The following IL15 variants were observed in gnomAD, a reference collection of about 807,000 sequenced individuals.
The protein encoded by IL15 is interleukin-15.
Under a neutral mutation model 19.6 loss-of-function variants are expected in IL15, and 11 were observed. The ratio of observed to expected loss-of-function variants is 0.56; its 90% CI spans 0.35 to 0.93. The LOEUF is 0.93. Among genes scored for constraint, IL15 ranks in the 40% least tolerant of loss-of-function variants. The pLI is 0.01. For synonymous variants in IL15, 58 were observed against 59.6 expected (o/e 0.97, Z 0.12); for missense variants, 197 against 186.5 (o/e 1.06, Z -0.33).
At chr4:141,667,077 G>C (rs1425406510) in intron 2 of IL15, among the ~76,000 whole-genome samples, 2 of 152,144 alleles carry the variant, frequency 1.3e-5, no homozygotes, top group Non-Finnish European at 2.9e-5. Flanking sequence ...CGTGCGGGTG[G>C]GTGGCACATC....
chr4:141,662,691 G>C (rs916950888), intron 2 of IL15, among the ~76,000 whole-genome samples: 1 of 151,872 alleles, frequency 6.6e-6, no homozygotes, highest in African/African-American at 2.4e-5. Flanking sequence ...CGATGTATTT[G>C]TGTTTGTATT....
chr4:141,730,885 G>A (rs920666137), intron 7 of IL15, among the ~76,000 whole-genome samples: 1 of 152,110 alleles, frequency 6.6e-6, no homozygotes, highest in Non-Finnish European at 1.5e-5. Flanking sequence ...CATAATCCCT[G>A]CTGTTAAAGA....
intron 2 of IL15, chr4:141,715,384 C>T (rs1214167320): frequency 6.6e-6 from 1 of 152,194 alleles, no homozygotes; most frequent in Admixed American, 6.5e-5. Flanking sequence ...ATAGTCTTCA[C>T]TGAGATACCA....
chr4:141,732,586 C>T (rs759792205), intron 7 of IL15, 152 bp from the exon 8 acceptor site: 31 of 991,624 alleles, frequency 3.1e-5, no homozygotes, highest in East Asian at 5.8e-5. Flanking sequence ...TCTCTTTCCT[C>T]GTAGTTCTTC....
At chr4:141,705,022 A>G (rs1345308397) in intron 2 of IL15, among the ~76,000 whole-genome samples, 1 of 151,758 alleles carries the variant, frequency 6.6e-6, no homozygotes, top group Non-Finnish European at 1.5e-5. Context: ...TTAAAAAGCC[A>G]AATCTTTGTT....
chr4:141,698,925 G>A (rs1047619288), intron 2 of IL15, among the ~76,000 whole-genome samples: 1 of 151,814 alleles, frequency 6.6e-6, no homozygotes, highest in Non-Finnish European at 1.5e-5. Context: ...ATATTAGGTT[G>A]TTTATTTGTG....
At position 141,684,488 on chromosome 4, in the gene IL15, T is replaced by C. The variant is rs6847733; in HGVS notation, c.-100+28181T>C. Reference sequence around the variant, plus strand: ...TGATATCCCATTGCCGAGCAAATCATATCAGATTCCTCCGTTTGGCTTTGA... The same window carrying C: ...TGATATCCCATTGCCGAGCAAATCACATCAGATTCCTCCGTTTGGCTTTGA... On this transcript the variant is annotated intron_variant, in intron 2 of 7. Transcript: ENST00000320650. Among the ~76,000 whole-genome samples the C allele has an allele frequency of 5.3e-3, 807 of 152,348 alleles. 14 individuals carry two copies. The highest frequency in any genetic ancestry group is 0.019 in the African/African-American group (782 of 41,598).
Position 141,691,629 on chromosome 4 carries a change from A to T in IL15, c.-99-27737A>T, listed in dbSNP as rs180907492. On this transcript the variant is annotated intron_variant, in intron 2 of 7. Coordinates refer to ENST00000320650, the MANE Select transcript of IL15 (RefSeq NM_000585.5). Reference sequence around the variant, plus strand: ...CAGGTTCCATGCAAGTCCAAAATCCAACAGGGCAATCATTAACTCTTAAAG... The same window carrying T: ...CAGGTTCCATGCAAGTCCAAAATCCTACAGGGCAATCATTAACTCTTAAAG... Among the ~76,000 whole-genome samples the T allele has an allele frequency of 3.9e-4, 59 of 152,306 alleles. No individual in the cohort carries two copies. In the East Asian group the frequency reaches 0.011, roughly 28 times the overall value.
intron 2 of IL15, among the ~76,000 whole-genome samples, chr4:141,701,903 G>C (rs372746158): frequency 3.9e-4 from 59 of 152,316 alleles, no homozygotes; most frequent in African/African-American, 1.3e-3. Flanking sequence ...GCGGGGAATT[G>C]TGACCTTGCC....
In IL15 at chr4:141,729,971, T is replaced by G. The variant is rs1396459519; in HGVS notation, c.365T>G (p.Leu122Trp). 3.7e-6 allele frequency: 6 copies of G among 1,610,092 alleles called. No homozygotes were observed. Among genetic ancestry groups the G allele is most frequent in the Non-Finnish European group, 5.1e-6 (6 of 1,176,598 alleles). Residue 122 changes from leucine (L) to tryptophan (W), a missense_variant, in exon 7 of 8, where the codon TTG (leucine) becomes TGG (tryptophan). Physicochemically the swap from Leu to Trp is moderately conservative, Grantham distance 61. Coordinates refer to ENST00000320650, the MANE Select transcript of IL15 (RefSeq NM_000585.5). ...ENLIILANNS[L>W]SSNGNVTESG... ...CTGATCATCCTAGCAAACAACAGTT[T>G]GTCTTCTAATGGGGTGAGTTTTCCA... is the stretch of plus-strand genomic sequence containing the variant.
chr4:141,674,744 C>T (rs986467208), intron 2 of IL15, among the ~76,000 whole-genome samples: 2 of 152,198 alleles, frequency 1.3e-5, no homozygotes, highest in African/African-American at 4.8e-5. Context: ...CAATGTGCCT[C>T]CTAAAAATTG....
chr4:141,690,931 G>A (rs1464935032), intron 2 of IL15, among the ~76,000 whole-genome samples: 1 of 152,170 alleles, frequency 6.6e-6, no homozygotes, highest in Non-Finnish European at 1.5e-5. Flanking sequence ...CTTTTCTTCT[G>A]TATTAGATTA....
intron 1 of IL15, among the ~76,000 whole-genome samples, chr4:141,638,033 G>A (rs1423802764): frequency 6.6e-6 from 1 of 152,146 alleles, no homozygotes; most frequent in Non-Finnish European, 1.5e-5. Context: ...CCAGTTTATA[G>A]TGAGCTATAT....
intron 2 of IL15, among the ~76,000 whole-genome samples, chr4:141,705,387 C>T (rs1729478611): frequency 6.6e-6 from 1 of 151,554 alleles, no homozygotes; most frequent in African/African-American, 2.4e-5. Flanking sequence ...TTTAAATTTT[C>T]TGAAGTTTTT....
chr4:141,721,802 C>T, intron 4 of IL15, 122 bp from the exon 5 acceptor site: 1 of 835,468 alleles, frequency 1.2e-6, no homozygotes, highest in East Asian at 2.5e-5. Flanking sequence ...TGCACAGAAG[C>T]AAGGATAACA....
intron 2 of IL15, among the ~76,000 whole-genome samples, chr4:141,711,701 A>C (rs1441386072): frequency 6.6e-6 from 1 of 152,152 alleles, no homozygotes; most frequent in East Asian, 1.9e-4. Flanking sequence ...CTAATTCTGC[A>C]TACTTATATC....
intron 2 of IL15, among the ~76,000 whole-genome samples, chr4:141,686,993 ATTG>A (rs1728734245): frequency 2.0e-5 from 3 of 152,132 alleles, no homozygotes; most frequent in African/African-American, 7.2e-5. Flanking sequence ...TTAATTTTTT[ATTG>A]TTGCTGGTTT....
chr4:141,699,692 G>T (rs4530709), intron 2 of IL15, among the ~76,000 whole-genome samples: 73,550 of 151,832 alleles, frequency 0.48, 17,839 homozygotes, highest in South Asian at 0.59. Context: ...TTTTCCACCT[G>T]TTTCCCTTAA....
At chr4:141,704,580 T>A (rs1471024385) in intron 2 of IL15, 1 of 382,888 alleles carries the variant, frequency 2.6e-6, no homozygotes, top group East Asian at 9.7e-5. Flanking sequence ...AAAAGTATTC[T>A]CCCATCTTCA....
Sources: gnomAD v4.1 joint callset for allele counts (sites outside exome capture counted in the v4.1 genomes callset) on GRCh38, gnomAD v4.1.1 for gene constraint, MANE v1.5 for transcripts, NCBI Gene and HGNC (gene_info 2026-07-23, HGNC 2026-07-21) for gene names.